The following RGS3 variants were observed in gnomAD, a reference collection of about 807,000 sequenced individuals.
The protein encoded by RGS3 is regulator of G protein signaling 3.
A neutral mutation model predicts 132.6 loss-of-function variants in RGS3; 80 were observed. That is an observed-to-expected ratio of 0.60 (90% CI 0.50 to 0.73). The LOEUF (loss-of-function observed/expected upper bound fraction) is 0.73, where lower values mean the gene tolerates loss of function less well. RGS3 is among the 30% of genes least tolerant of loss of function. RGS3 has a pLI of 0.00. For synonymous variants in RGS3, 598 were observed against 620.6 expected (o/e 0.96, Z 0.54); for missense variants, 1,382 against 1,530.8 (o/e 0.90, Z 1.62).
intron 18 of RGS3, among the ~76,000 whole-genome samples, chr9:113,529,704 A>G (rs1309887402): frequency 6.6e-6 from 1 of 152,232 alleles, no homozygotes; most frequent in Non-Finnish European, 1.5e-5. Flanking sequence ...CAGTGTTTCA[A>G]AAGGCCTGAA....
chr9:113,594,155 C>G (rs772125657), intron 21 of RGS3: 8 of 1,613,034 alleles, frequency 5.0e-6, no homozygotes, highest in Middle Eastern at 1.6e-4. Context: ...TTCCAGAGAG[C>G]GTGTGTGGCT....
chr9:113,505,143 C>G, intron 10 of RGS3: 1 of 427,748 alleles, frequency 2.3e-6, no homozygotes, highest in Non-Finnish European at 4.3e-6. Flanking sequence ...AGGGCTGGGG[C>G]TGCTGGGGCT....
At chr9:113,450,265 G>C (rs1829210538) in intron 1 of RGS3, among the ~76,000 whole-genome samples, 1 of 151,108 alleles carries the variant, frequency 6.6e-6, no homozygotes, top group Admixed American at 6.6e-5. Context: ...TAGAGACGGG[G>C]TTTCACCGTA....
intron 19 of RGS3, among the ~76,000 whole-genome samples, chr9:113,552,089 C>T (rs1007134519): frequency 9.2e-5 from 14 of 152,130 alleles, no homozygotes; most frequent in Non-Finnish European, 1.8e-4. Context: ...GATATTCACT[C>T]TAGGATTATA....
rs777319065 is a variant in RGS3, at chr9:113,517,532, T to C, written c.1675-9T>C. The C allele has an allele frequency of 6.2e-6, 10 of 1,612,394 alleles. No individual in the cohort carries two copies. Among genetic ancestry groups the C allele is most frequent in the Non-Finnish European group, 8.5e-6 (10 of 1,179,664 alleles). On this transcript the variant is annotated splice_polypyrimidine_tract_variant and intron_variant, in intron 15 of 24. Coordinates refer to ENST00000350696, the Ensembl canonical transcript of RGS3. ...TTTGAACTGCCCACTCAGCCTGCTT[T>C]ATTTCCAGCCTCTAGATCTCTGTAA...
chr9:113,593,915 C>A, intron 21 of RGS3: 1 of 1,601,344 alleles, frequency 6.2e-7, no homozygotes, highest in Non-Finnish European at 8.5e-7. Flanking sequence ...TGTCTCCCTG[C>A]TGCCATGGTA....
chr9:113,595,871 A>T, intron 24 of RGS3, 106 bp downstream of exon 22: 1 of 1,227,632 alleles, frequency 8.1e-7, no homozygotes, highest in Non-Finnish European at 1.2e-6. Flanking sequence ...GGCCAGAATG[A>T]CTCCATGAGC....
intron 17 of RGS3, among the ~76,000 whole-genome samples, chr9:113,524,893 C>G (rs772067616): frequency 1.3e-5 from 2 of 152,206 alleles, no homozygotes; most frequent in African/African-American, 2.4e-5. Flanking sequence ...GGGGTGTGCT[C>G]CATCCTCCAC....
exon 25 of RGS3, chr9:113,597,730 T>C (rs994952002): frequency 6.6e-6 from 1 of 152,314 alleles, no homozygotes. Flanking sequence ...TGTTATTTCT[T>C]GTTCTTGACC....
chr9:113,522,888 G>A (rs1236691329), intron 16 of RGS3, 42 bp from the exon 15 acceptor site: 2 of 1,346,738 alleles, frequency 1.5e-6, no homozygotes, highest in African/African-American at 2.9e-5. Context: ...GCCTCCAGAG[G>A]ACAGCAAAGT....
At chr9:113,521,797 A>G (rs1489723991) in intron 16 of RGS3, among the ~76,000 whole-genome samples, 3 of 152,216 alleles carry the variant, frequency 2.0e-5, no homozygotes, top group Non-Finnish European at 2.9e-5. Context: ...ACAGGTTGAT[A>G]GCTGAATGTC....
intron 16 of RGS3, among the ~76,000 whole-genome samples, chr9:113,521,364 C>T (rs1309787664): frequency 6.6e-6 from 1 of 152,160 alleles, no homozygotes; most frequent in Non-Finnish European, 1.5e-5. Flanking sequence ...ACAAAAGTAA[C>T]AGTGATTGCA....
At chr9:113,490,404 T>TA (rs201075222) in intron 7 of RGS3, among the ~76,000 whole-genome samples, 1,965 of 151,726 alleles carry the variant, frequency 0.013, 40 homozygotes, top group African/African-American at 0.045. Context: ...AAGATGGCTT[T>TA]AAAAAAAATC....
chr9:113,505,134 G>A (rs766126080), intron 10 of RGS3: 9 of 408,830 alleles, frequency 2.2e-5, no homozygotes, highest in Non-Finnish European at 4.1e-5. Flanking sequence ...CTTGGATCAA[G>A]GGCTGGGGCT....
chr9:113,576,131 C>T (rs1834510659), intron 19 of RGS3, among the ~76,000 whole-genome samples: 3 of 151,452 alleles, frequency 2.0e-5, no homozygotes, highest in Admixed American at 6.6e-5. Context: ...ACCCGGGAGG[C>T]GGAGCTTGCA....
chr9:113,536,456 T>C (rs1409919783), intron 18 of RGS3: 4 of 1,017,926 alleles, frequency 3.9e-6, no homozygotes, highest in Non-Finnish European at 4.7e-6. Flanking sequence ...GCTTCCCACG[T>C]GCTCCCTCAG....
At chr9:113,534,977 T>C (rs1195533611) in intron 18 of RGS3, among the ~76,000 whole-genome samples, 1 of 152,144 alleles carries the variant, frequency 6.6e-6, no homozygotes, top group Non-Finnish European at 1.5e-5. Context: ...GTAGAAACCA[T>C]GGATAGGGAG....
At chr9:113,527,093 A>G (rs1328923790) in intron 17 of RGS3, among the ~76,000 whole-genome samples, 1 of 152,188 alleles carries the variant, frequency 6.6e-6, no homozygotes, top group East Asian at 1.9e-4. Context: ...CGTGGAACAG[A>G]TTTCAGAGAA....
In RGS3 at chr9:113,591,365, C is replaced by T. The variant is rs150596908; in HGVS notation, c.3048C>T (p.Asp1016=). ...GGGCTGACACCGTTGGGGATGATGA[C>T]GAAGCCTCCCGGAAGAGAAAGAGCA... The change falls in exon 21 of 25, where the codon GAC becomes GAT. Residue 1016 remains aspartate, a synonymous_variant. Transcript: ENST00000350696. The surrounding 1 kb of genome is among the most constrained non-coding windows in gnomAD (Gnocchi z 4.4). 98 of 1,613,634 alleles carry T rather than the reference C, an allele frequency of 6.1e-5. No individual in the cohort carries two copies. Among genetic ancestry groups the T allele is most frequent in the Non-Finnish European group, 7.6e-5 (90 of 1,179,938 alleles).
Sources: allele counts gnomAD v4.1 joint callset (sites outside exome capture counted in the v4.1 genomes callset), GRCh38; gene constraint gnomAD v4.1.1; non-coding constraint Gnocchi (gnomAD v3.1); transcripts MANE v1.5; gene names NCBI Gene and HGNC (gene_info 2026-07-23, HGNC 2026-07-21).